UNC13B: variants seen among roughly 807,000 people sequenced by gnomAD.
The protein encoded by UNC13B is unc-13 homolog B, also known as protein unc-13 homolog B.
Under a neutral mutation model 211.0 loss-of-function variants are expected in UNC13B, and 144 were observed. The ratio of observed to expected loss-of-function variants is 0.68; its 90% CI spans 0.60 to 0.78. UNC13B has a LOEUF of 0.78. Among genes scored for constraint, UNC13B ranks in the 30% least tolerant of loss-of-function variants. UNC13B has a pLI of 0.00. For missense variants in UNC13B, 1,777 were observed against 2,002.0 expected (o/e 0.89, Z 2.14); for synonymous variants, 709 against 725.8 (o/e 0.98, Z 0.37).
intron 1 of UNC13B, among the ~76,000 whole-genome samples, chr9:35,177,148 G>A (rs1052361559): frequency 1.3e-5 from 2 of 152,086 alleles, no homozygotes; most frequent in Admixed American, 6.6e-5. Flanking sequence ...TTAGTCGGGC[G>A]TGGTGGCCGG....
At chr9:35,216,677 G>A (rs539373505) in intron 1 of UNC13B, among the ~76,000 whole-genome samples, 1 of 152,062 alleles carries the variant, frequency 6.6e-6, no homozygotes, top group African/African-American at 2.4e-5. Context: ...ATAGATAAAA[G>A]GTGTAGAAAT....
At chr9:35,236,879 T>G (rs1372515691) in intron 4 of UNC13B, among the ~76,000 whole-genome samples, 1 of 152,188 alleles carries the variant, frequency 6.6e-6, no homozygotes, top group Non-Finnish European at 1.5e-5. Context: ...TGTGTTTACT[T>G]AGGGTACTTG....
Position 35,305,611 on chromosome 9 carries a change from G to T in UNC13B, c.6207G>T (p.Leu2069Phe). 2.5e-6 allele frequency: 1 copy of T among 398,908 alleles called. No homozygotes were observed. Among genetic ancestry groups the T allele is most frequent in the South Asian group, 1.3e-4 (1 of 7,832 alleles). 24.7% of individuals were successfully genotyped at this position (398,908 alleles called of 1,614,324 possible). Residue 2069 changes from leucine (L) to phenylalanine (F), a missense_variant, in exon 9 of 40, where the codon TTG becomes TTT. Physicochemically the swap from Leu to Phe is conservative, Grantham distance 22. Coordinates refer to ENST00000635942, the MANE Select transcript of UNC13B (RefSeq NM_001371189.2). ...CTAGAGGGATCCAGGGTAATGATTT[G>T]ACTGAAAAAGAGGTACCATTCAGAG... Reference protein sequence around the residue: ...ESTRGIQGNDLTEKEVPFRDH... With the variant: ...ESTRGIQGNDFTEKEVPFRDH...
At position 35,283,097 on chromosome 9, in the gene UNC13B, C is replaced by CT. The variant is rs879391944; in HGVS notation, c.527-12591dup. Among the ~76,000 whole-genome samples the CT allele has an allele frequency of 5.0e-4, 76 of 152,102 alleles. 1 individual carries two copies. Among genetic ancestry groups the CT allele is most frequent in the Non-Finnish European group, 4.0e-4 (27 of 67,978 alleles). On this transcript the variant is annotated intron_variant, in intron 7 of 39. Coordinates refer to ENST00000635942, the MANE Select transcript of UNC13B (RefSeq NM_001371189.2). ...ATACTATAGTGAGCAACTTTATACA[C>CT]TTTTTTTTGTAAACATGTTCAAATG... is the stretch of plus-strand genomic sequence containing the variant.
intron 24 of UNC13B, among the ~76,000 whole-genome samples, chr9:35,389,380 C>G (rs1172120041): frequency 6.6e-6 from 1 of 152,152 alleles, no homozygotes; most frequent in African/African-American, 2.4e-5. Context: ...GTAGCTCCTG[C>G]AGAAGTTGAA....
chr9:35,170,319 C>G (rs780460508), intron 1 of UNC13B, among the ~76,000 whole-genome samples: 3 of 152,120 alleles, frequency 2.0e-5, no homozygotes, highest in Non-Finnish European at 4.4e-5. Context: ...GTGTCCACCA[C>G]CACGCCTAGC....
In UNC13B at chr9:35,376,050, C is replaced by A. The variant is rs1367299513; in HGVS notation, c.9638C>A (p.Thr3213Asn). The change falls in exon 15 of 40, where the codon ACC becomes AAC. Residue 3213 changes from threonine (T) to asparagine (N), a missense_variant. Physicochemically the swap from Thr to Asn is moderately conservative, Grantham distance 65 (BLOSUM62 0). Coordinates refer to ENST00000635942, the MANE Select transcript of UNC13B (RefSeq NM_001371189.2). ...CAGAAATCCCACGTGTATAAGAAAA[C>A]CCTGCAGGCCTTAATCTACCCCATT... ...EELKSHVYKK[T>N]LQALIYPISC... 1.2e-6 allele frequency: 2 copies of A among 1,614,210 alleles called. No homozygotes were observed. The highest frequency in any genetic ancestry group is 1.7e-5 in the Admixed American group (1 of 60,032).
At chr9:35,221,661 C>A (rs942276879) in intron 1 of UNC13B, among the ~76,000 whole-genome samples, 3 of 152,142 alleles carry the variant, frequency 2.0e-5, no homozygotes, top group African/African-American at 7.2e-5. Context: ...AATCATAGCA[C>A]TTGTTTGTAC....
At chr9:35,270,563 C>T (rs187193562) in intron 7 of UNC13B, among the ~76,000 whole-genome samples, 2 of 152,144 alleles carry the variant, frequency 1.3e-5, no homozygotes, top group Admixed American at 1.3e-4. Context: ...AACAATAAGA[C>T]AACAGTCTTT....
At chr9:35,342,208 G>C in intron 11 of UNC13B, 1 of 985,710 alleles carries the variant, frequency 1.0e-6, no homozygotes, top group Non-Finnish European at 1.2e-6. Flanking sequence ...TCGTCCTGTG[G>C]CTTCTCTGTC....
chr9:35,400,724 G>A (rs560882028), intron 37 of UNC13B, among the ~76,000 whole-genome samples: 1 of 152,338 alleles, frequency 6.6e-6, no homozygotes, highest in South Asian at 2.1e-4. Context: ...AATATACCCT[G>A]ACTGGTAAGC....
At position 35,307,598 on chromosome 9, in the gene UNC13B, C is replaced by T. The variant is rs1829989466; in HGVS notation, c.8194C>T (p.Pro2732Ser). The T allele has an allele frequency of 7.5e-6, 3 of 399,062 alleles. No homozygotes were observed. The highest frequency in any genetic ancestry group is 4.4e-5 in the Admixed American group (1 of 22,708). 24.7% of individuals were successfully genotyped at this position (399,062 alleles called of 1,614,324 possible). A position where few individuals can be genotyped will look rare whatever the true frequency, so the allele number is the denominator to read the frequency against. ...CTTTTCTCATCCTCTGCTGGAGGAC[C>T]CTGTGCTTGCTGCCAGAGAAAGTTG... is the stretch of plus-strand genomic sequence containing the variant. Reference protein sequence around the residue: ...GHFSHPLLEDPVLAARESCEI... With the variant: ...GHFSHPLLEDSVLAARESCEI... Residue 2732 changes from proline to serine, a missense_variant, in exon 9 of 40, where the codon CCT becomes TCT. Pro to Ser is a moderately conservative substitution (Grantham distance 74). Coordinates refer to ENST00000635942, the MANE Select transcript of UNC13B (RefSeq NM_001371189.2).
chr9:35,261,498 A>T (rs1275587240), intron 7 of UNC13B, among the ~76,000 whole-genome samples: 1 of 152,164 alleles, frequency 6.6e-6, no homozygotes, highest in East Asian at 1.9e-4. Flanking sequence ...TTTTATGGGT[A>T]CATAGTAGGT....
chr9:35,331,390 G>C (rs1831359923), intron 11 of UNC13B, among the ~76,000 whole-genome samples: 2 of 152,302 alleles, frequency 1.3e-5, no homozygotes, highest in South Asian at 4.1e-4. Context: ...TGGGATTACA[G>C]GAGTGCATCA....
At chr9:35,193,424 G>A (rs1233015048) in intron 1 of UNC13B, among the ~76,000 whole-genome samples, 1 of 151,990 alleles carries the variant, frequency 6.6e-6, no homozygotes, top group Non-Finnish European at 1.5e-5. Flanking sequence ...CGAGACAGGT[G>A]GATCATGAGG....
intron 32 of UNC13B, 37 bp downstream of exon 32, chr9:35,398,679 A>T (rs761244604): frequency 6.2e-7 from 1 of 1,609,290 alleles, no homozygotes; most frequent in East Asian, 2.2e-5. Context: ...TCAGAGCCAG[A>T]TGTGGTCCCT....
chr9:35,399,997 A>C (rs1836183687), intron 36 of UNC13B, among the ~76,000 whole-genome samples: 1 of 152,210 alleles, frequency 6.6e-6, no homozygotes, highest in African/African-American at 2.4e-5. Flanking sequence ...TCTAAGGTTC[A>C]GATGGGTAAA....
chr9:35,238,327 C>T (rs1825625691), intron 5 of UNC13B, among the ~76,000 whole-genome samples: 2 of 152,140 alleles, frequency 1.3e-5, no homozygotes, highest in Admixed American at 6.5e-5. Flanking sequence ...TCTCTGCATT[C>T]TCCAGTGTGA....
chr9:35,395,331 G>A (rs1439609060), intron 26 of UNC13B, among the ~76,000 whole-genome samples: 2 of 152,156 alleles, frequency 1.3e-5, no homozygotes, highest in Non-Finnish European at 2.9e-5. Context: ...GCAACTTTAG[G>A]TTGAGACAGT....
Sources: gnomAD v4.1 joint callset for allele counts (sites outside exome capture counted in the v4.1 genomes callset) on GRCh38, gnomAD v4.1.1 for gene constraint, MANE v1.5 for transcripts, NCBI Gene and HGNC (gene_info 2026-07-23, HGNC 2026-07-21) for gene names.